The following LGR6 variants were observed in gnomAD, a reference collection of about 807,000 sequenced individuals.
LGR6 encodes leucine-rich repeat-containing G protein-coupled receptor 6.
Under a neutral mutation model 69.4 loss-of-function variants are expected in LGR6, and 45 were observed. That is an observed-to-expected ratio of 0.65 (90% CI 0.51 to 0.83). The LOEUF (loss-of-function observed/expected upper bound fraction) is 0.83, where lower values mean the gene tolerates loss of function less well. Ranked by LOEUF, LGR6 falls within the 40% of genes least tolerant of loss-of-function variation. The pLI is 0.00. For missense variants in LGR6, 1,108 were observed against 1,246.7 expected (o/e 0.89, Z 1.68); for synonymous variants, 538 against 555.0 (o/e 0.97, Z 0.43).
At chr1:202,257,146 C>T (rs1405149314) in intron 4 of LGR6, among the ~76,000 whole-genome samples, 1 of 152,108 alleles carries the variant, frequency 6.6e-6, no homozygotes, top group Non-Finnish European at 1.5e-5. Context: ...ATGTTTTTCT[C>T]CCATTCTGTC....
intron 6 of LGR6, among the ~76,000 whole-genome samples, chr1:202,281,457 A>G (rs548712684): frequency 6.6e-6 from 1 of 152,348 alleles, no homozygotes; most frequent in African/African-American, 2.4e-5. Context: ...AGTTAAGGTC[A>G]GAATACACCC....
At chr1:202,251,873 A>G (rs1026250267) in intron 4 of LGR6, among the ~76,000 whole-genome samples, 1 of 119,582 alleles carries the variant, frequency 8.4e-6, no homozygotes, top group African/African-American at 2.5e-5. Flanking sequence ...GGAGAGGGAA[A>G]GGGGAAAGAG....
chr1:202,258,330 G>A (rs985045983), intron 4 of LGR6, among the ~76,000 whole-genome samples: 2 of 151,828 alleles, frequency 1.3e-5, no homozygotes, highest in African/African-American at 2.4e-5. Flanking sequence ...TGAAGGTGCC[G>A]TCACTTCCTG....
intron 14 of LGR6, among the ~76,000 whole-genome samples, chr1:202,308,434 G>A (rs946264613): frequency 6.6e-5 from 10 of 152,158 alleles, no homozygotes; most frequent in African/African-American, 2.2e-4. Context: ...TTTCCACGAC[G>A]CACAGTCTGT....
intron 4 of LGR6, among the ~76,000 whole-genome samples, chr1:202,264,553 C>T (rs1664499182): frequency 6.6e-6 from 1 of 152,148 alleles, no homozygotes; most frequent in Non-Finnish European, 1.5e-5. Context: ...CAGAAACCAG[C>T]CTGATGTCTG....
chr1:202,270,358 G>A lies in LGR6; in HGVS notation c.429-5948G>A, dbSNP rs138602995. 3.6e-3 allele frequency among the ~76,000 whole-genome samples: 542 copies of A among 151,858 alleles called. 5 individuals are homozygous for A. The highest frequency in any genetic ancestry group is 0.012 in the African/African-American group (516 of 41,412). On this transcript the variant is annotated intron_variant, in intron 4 of 17. Transcript: ENST00000367278. ...CCAGGGTTCAAGTGATTCTCCTACC[G>A]CAGCCTCCCAAGTAGCTGGGATTAT... is the stretch of plus-strand genomic sequence containing the variant.
intron 4 of LGR6, among the ~76,000 whole-genome samples, chr1:202,273,892 TAAG>T (rs1665325492): frequency 6.6e-6 from 1 of 152,130 alleles, no homozygotes; most frequent in African/African-American, 2.4e-5. Context: ...TATCCTACCT[TAAG>T]AAGGCCATCT....
intron 6 of LGR6, among the ~76,000 whole-genome samples, chr1:202,288,848 A>G (rs1430049466): frequency 3.9e-5 from 6 of 152,186 alleles, no homozygotes; most frequent in African/African-American, 7.2e-5. Context: ...GTCTCTGGGA[A>G]AGATTATCGG....
chr1:202,214,077 G>A, intron 1 of LGR6: 1 of 1,366,476 alleles, frequency 7.3e-7, no homozygotes, highest in Non-Finnish European at 9.4e-7. Flanking sequence ...GAGAGAAGCG[G>A]CAGAACGAGA....
At chr1:202,304,715 C>A in intron 11 of LGR6, 85 bp downstream of exon 11, 1 of 1,078,256 alleles carries the variant, frequency 9.3e-7, no homozygotes, top group Non-Finnish European at 1.4e-6. Context: ...TTCTGTCCCA[C>A]TTGGTCATTT....
intron 3 of LGR6, among the ~76,000 whole-genome samples, chr1:202,233,726 T>C (rs1217345563): frequency 6.6e-6 from 1 of 152,164 alleles, no homozygotes; most frequent in East Asian, 1.9e-4. Flanking sequence ...ATACTAATAA[T>C]GATAATTGAT....
chr1:202,303,409 C>A, intron 10 of LGR6, 62 bp downstream of exon 10: 2 of 1,304,004 alleles, frequency 1.5e-6, no homozygotes, highest in Non-Finnish European at 2.2e-6. Context: ...AGAGCTCTTC[C>A]ACTCCCTGCC....
intron 7 of LGR6, among the ~76,000 whole-genome samples, chr1:202,299,456 G>A (rs529703633): frequency 1.8e-4 from 28 of 152,108 alleles, no homozygotes; most frequent in African/African-American, 6.5e-4. Context: ...GGAAGAGCGA[G>A]GAGACCTAAG....
chr1:202,230,741 G>C lies in LGR6; in HGVS notation c.356+2734G>C, dbSNP rs193100776. Among the ~76,000 whole-genome samples the C allele has an allele frequency of 2.0e-5, 3 of 152,338 alleles. No individual in the cohort carries two copies. In the East Asian group the frequency reaches 5.8e-4, roughly 29 times the overall value. On this transcript the variant is annotated intron_variant, in intron 3 of 17. Transcript: ENST00000367278. ...CTTTCCCCAGAGCTGGCCTCCCAGA[G>C]AGCTGGGTGAGGCCTGAGGCTTGGT...
chr1:202,243,804 TC>T lies in LGR6; in HGVS notation c.428+7812del, dbSNP rs1195875755. On this transcript the variant is annotated intron_variant, in intron 4 of 17. Transcript: ENST00000367278. ...TTGTGCATGAATTTGGAGATTTTTC[TC>T]AAGGAGTCATTTTCTTGGGTCTCCT... 2.0e-5 allele frequency among the ~76,000 whole-genome samples: 3 copies of T among 152,292 alleles called. No individual in the cohort carries two copies. The East Asian group carries it at 5.8e-4, about 29-fold the overall frequency.
At chr1:202,290,803 G>A (rs764866351) in intron 6 of LGR6, among the ~76,000 whole-genome samples, 3 of 152,226 alleles carry the variant, frequency 2.0e-5, no homozygotes, top group Admixed American at 6.5e-5. Flanking sequence ...GGTGGAGGTT[G>A]TAGTGAGCTG....
At chr1:202,314,333 C>T (rs1328049180) in intron 16 of LGR6, among the ~76,000 whole-genome samples, 1 of 152,204 alleles carries the variant, frequency 6.6e-6, no homozygotes, top group East Asian at 1.9e-4. Flanking sequence ...GGCTTCTGCT[C>T]TCCCACCCCC....
At chr1:202,300,157 C>G (rs1271561937) in intron 7 of LGR6, among the ~76,000 whole-genome samples, 1 of 152,214 alleles carries the variant, frequency 6.6e-6, no homozygotes, top group Non-Finnish European at 1.5e-5. Context: ...TCTTCCTTTT[C>G]CTCTCACACA....
chr1:202,310,367 C>G lies in LGR6; in HGVS notation c.1567+10C>G. The stretch of plus-strand genomic sequence containing the variant: ...CAAGCAGAGAACCACTGTGAGTGAC[C>G]AGGGGCCCTGGGTTGGGGAGGGTAG... On this transcript the variant is annotated intron_variant, in intron 16 of 17. Transcript: ENST00000367278. 2 of 1,612,744 alleles carry G rather than the reference C, an allele frequency of 1.2e-6. No homozygotes were observed. Among genetic ancestry groups the G allele is most frequent in the Non-Finnish European group, 1.7e-6 (2 of 1,179,794 alleles).
Sources: allele counts gnomAD v4.1 joint callset (sites outside exome capture counted in the v4.1 genomes callset), GRCh38; gene constraint gnomAD v4.1.1; transcripts MANE v1.5; gene names NCBI Gene and HGNC (gene_info 2026-07-23, HGNC 2026-07-21).